The following SLC24A3 variants were observed in gnomAD, a reference collection of about 807,000 sequenced individuals.
The protein encoded by SLC24A3 is sodium/potassium/calcium exchanger 3.
SLC24A3 carries 28 observed loss-of-function variants against 75.8 expected under a neutral mutation model. The observed-to-expected ratio is 0.37, with a 90% CI of 0.27 to 0.51. SLC24A3 has a LOEUF of 0.51. SLC24A3 is among the 20% of genes least tolerant of loss of function. The probability of loss-of-function intolerance (pLI) is 0.94; values close to 1 mark genes in which losing one functional copy is unlikely to be tolerated. For missense variants in SLC24A3, 663 were observed against 847.8 expected, an observed-to-expected ratio of 0.78 and a Z score of 2.71; for synonymous variants, 372 against 334.1, an observed-to-expected ratio of 1.11 and a Z score of -1.24.
At chr20:19,458,115 C>T (rs371736563) in intron 2 of SLC24A3, among the ~76,000 whole-genome samples, 5 of 152,078 alleles carry the variant, frequency 3.3e-5, no homozygotes, top group East Asian at 3.9e-4. Context: ...GGAAGTTCTG[C>T]TTGAGAATGT....
chr20:19,282,410 AC>A (rs980832405), intron 2 of SLC24A3, among the ~76,000 whole-genome samples: 1 of 152,256 alleles, frequency 6.6e-6, no homozygotes, highest in African/African-American at 2.4e-5. Context: ...AGCATTTTTC[AC>A]TTGAAAGTGA....
chr20:19,318,028 A>C (rs1984623162), intron 2 of SLC24A3, among the ~76,000 whole-genome samples: 1 of 152,174 alleles, frequency 6.6e-6, no homozygotes. Flanking sequence ...GGCAGGCTGG[A>C]AATGTCAGAG....
chr20:19,249,794 G>A (rs534315638), intron 1 of SLC24A3, among the ~76,000 whole-genome samples: 206 of 152,182 alleles, frequency 1.4e-3, no homozygotes, highest in African/African-American at 4.8e-3. Flanking sequence ...GATGATTTGC[G>A]GACTGAAGCA....
At chr20:19,240,698 G>A (rs1217819687) in intron 1 of SLC24A3, among the ~76,000 whole-genome samples, 3 of 152,192 alleles carry the variant, frequency 2.0e-5, no homozygotes, top group African/African-American at 7.2e-5. Flanking sequence ...GGTTGGGTTG[G>A]GATGTTGTCT....
intron 2 of SLC24A3, among the ~76,000 whole-genome samples, chr20:19,390,277 AT>A (rs916595487): frequency 2.0e-5 from 3 of 152,068 alleles, no homozygotes; most frequent in Admixed American, 2.0e-4. Flanking sequence ...TGTTTCCCTG[AT>A]TATTTGTGAT....
intron 6 of SLC24A3, among the ~76,000 whole-genome samples, chr20:19,650,637 GC>G (rs68077348): frequency 6.6e-6 from 1 of 151,862 alleles, no homozygotes; most frequent in Non-Finnish European, 1.5e-5. Flanking sequence ...GTCTCTTTTA[GC>G]CCCCCCTTCT....
At chr20:19,564,485 A>G (rs1389177610) in intron 3 of SLC24A3, among the ~76,000 whole-genome samples, 1 of 152,110 alleles carries the variant, frequency 6.6e-6, no homozygotes, top group Admixed American at 6.6e-5. Context: ...TCATATCACA[A>G]TCACTATCGT....
chr20:19,474,409 T>A (rs1409781754), intron 2 of SLC24A3, among the ~76,000 whole-genome samples: 1 of 152,120 alleles, frequency 6.6e-6, no homozygotes, highest in African/African-American at 2.4e-5. Flanking sequence ...TTATTAAAAA[T>A]TCAGAACTGT....
chr20:19,629,214 A>G (rs2031905013), intron 6 of SLC24A3, among the ~76,000 whole-genome samples: 2 of 152,248 alleles, frequency 1.3e-5, no homozygotes, highest in South Asian at 4.1e-4. Context: ...AAGAAACTAT[A>G]AAAAAGAACT....
At chr20:19,560,834 C>T (rs181292127) in intron 3 of SLC24A3, among the ~76,000 whole-genome samples, 3 of 152,142 alleles carry the variant, frequency 2.0e-5, no homozygotes, top group East Asian at 1.9e-4. Context: ...TTGTATTCTT[C>T]GAAGAAAGGG....
At chr20:19,479,275 A>G (rs1206697043) in intron 2 of SLC24A3, among the ~76,000 whole-genome samples, 3 of 152,204 alleles carry the variant, frequency 2.0e-5, no homozygotes, top group Admixed American at 6.5e-5. Context: ...CCACAGGTTA[A>G]TTACTCATTG....
At chr20:19,305,992 C>A (rs1984316964) in intron 2 of SLC24A3, among the ~76,000 whole-genome samples, 1 of 152,136 alleles carries the variant, frequency 6.6e-6, no homozygotes, top group Non-Finnish European at 1.5e-5. Context: ...TGACAGAAGT[C>A]TAATGTCTAG....
intron 3 of SLC24A3, among the ~76,000 whole-genome samples, chr20:19,526,561 G>C (rs768471440): frequency 6.6e-6 from 1 of 152,076 alleles, no homozygotes; most frequent in African/African-American, 2.4e-5. Flanking sequence ...ATTCTCTTCC[G>C]ATCAAAATTT....
intron 2 of SLC24A3, among the ~76,000 whole-genome samples, chr20:19,423,314 G>C (rs1236605875): frequency 6.6e-6 from 1 of 152,182 alleles, no homozygotes; most frequent in African/African-American, 2.4e-5. Context: ...TTCCCGCTCA[G>C]CCCCAACTGC....
intron 2 of SLC24A3, among the ~76,000 whole-genome samples, chr20:19,365,971 G>A (rs930430926): frequency 7.9e-5 from 12 of 152,082 alleles, no homozygotes; most frequent in Middle Eastern, 3.4e-3. Context: ...TTCAAACTTC[G>A]CAAGTCTTAA....
At chr20:19,675,910 C>A (rs2032516929) in intron 9 of SLC24A3, among the ~76,000 whole-genome samples, 1 of 152,154 alleles carries the variant, frequency 6.6e-6, no homozygotes, top group African/African-American at 2.4e-5. Context: ...TGTGTACTCA[C>A]ACATCTTCCT....
At chr20:19,698,336 T>C (rs1478226828) in intron 14 of SLC24A3, among the ~76,000 whole-genome samples, 9 of 152,250 alleles carry the variant, frequency 5.9e-5, no homozygotes. Flanking sequence ...TTTGAATCAC[T>C]TATATTCAAT....
intron 2 of SLC24A3, among the ~76,000 whole-genome samples, chr20:19,497,213 C>T (rs1988303247): frequency 6.6e-6 from 1 of 152,180 alleles, no homozygotes; most frequent in South Asian, 2.1e-4. Flanking sequence ...ATTCTTAGCC[C>T]ATGACAAATG....
rs76616894 is a variant in SLC24A3, at chr20:19,352,567, C to T, written c.271+71480C>T. On this transcript the variant is annotated intron_variant, in intron 2 of 16. Coordinates refer to ENST00000328041, the MANE Select transcript of SLC24A3 (RefSeq NM_020689.4). ...ATTTTCAAATGAAGACTCTGAGCCTCAGGGATTCAGGAACTTCCTAAGGTC... is the reference window on the plus strand; with the variant it reads ...ATTTTCAAATGAAGACTCTGAGCCTTAGGGATTCAGGAACTTCCTAAGGTC... Among the ~76,000 whole-genome samples the T allele has an allele frequency of 3.8e-3, 578 of 152,290 alleles. 2 individuals carry two copies. Among genetic ancestry groups the T allele is most frequent in the Non-Finnish European group, 6.8e-3 (464 of 68,032 alleles).
Sources: gnomAD v4.1 joint callset for allele counts (sites outside exome capture counted in the v4.1 genomes callset) on GRCh38, gnomAD v4.1.1 for gene constraint, MANE v1.5 for transcripts, NCBI Gene and HGNC (gene_info 2026-07-23, HGNC 2026-07-21) for gene names.